The following SLC9A9 variants were observed in gnomAD, a reference collection of about 807,000 sequenced individuals.
SLC9A9 encodes the protein sodium/hydrogen exchanger 9.
A neutral mutation model predicts 77.8 loss-of-function variants in SLC9A9; 62 were observed. The ratio of observed to expected loss-of-function variants is 0.80; its 90% CI spans 0.65 to 0.98. The LOEUF is 0.98. Among genes scored for constraint, SLC9A9 ranks in the 50% least tolerant of loss-of-function variants. The pLI, the probability that SLC9A9 is intolerant of heterozygous loss-of-function variation, is 0.00. For missense variants in SLC9A9, 775 were observed against 774.9 expected (o/e 1.00, Z 0.00); for synonymous variants, 320 against 283.5 (o/e 1.13, Z -1.29).
intron 6 of SLC9A9, among the ~76,000 whole-genome samples, chr3:143,613,740 C>T (rs747311475): frequency 3.3e-5 from 5 of 150,922 alleles, no homozygotes; most frequent in South Asian, 2.1e-4. Context: ...TCTGAATGTC[C>T]TATTCTATTC....
chr3:143,808,277 T>C (rs950059522), intron 2 of SLC9A9, among the ~76,000 whole-genome samples: 1 of 152,232 alleles, frequency 6.6e-6, no homozygotes, highest in Admixed American at 6.5e-5. Context: ...AGCCATTTCT[T>C]TTGTTATACT....
chr3:143,338,032 C>A (rs574495138), intron 14 of SLC9A9, among the ~76,000 whole-genome samples: 64 of 152,294 alleles, frequency 4.2e-4, no homozygotes, highest in African/African-American at 1.5e-3. Context: ...GATGAACATG[C>A]ATGTCTCTTT....
At chr3:143,377,021 G>A (rs2033194293) in intron 13 of SLC9A9, among the ~76,000 whole-genome samples, 1 of 152,164 alleles carries the variant, frequency 6.6e-6, no homozygotes, top group African/African-American at 2.4e-5. Flanking sequence ...TAACTGTTAA[G>A]TTTGGGGGAT....
intron 14 of SLC9A9, among the ~76,000 whole-genome samples, chr3:143,284,461 A>AATTG (rs1415810149): frequency 2.0e-5 from 3 of 150,756 alleles, no homozygotes; most frequent in South Asian, 2.1e-4. Flanking sequence ...GGGAAGGCTG[A>AATTG]ATTGATTGTG....
At chr3:143,352,716 G>A (rs895988235) in intron 14 of SLC9A9, among the ~76,000 whole-genome samples, 8 of 152,120 alleles carry the variant, frequency 5.3e-5, no homozygotes, top group Non-Finnish European at 7.4e-5. Context: ...CATTTATATT[G>A]GGAACACACA....
In SLC9A9 at chr3:143,266,520, A is replaced by G; in HGVS notation, c.*182T>C. ...AACTAAATTCATTTGCATAATAGAG[A>G]GGGATAATAAAATCTCATTTCTTCA... On this transcript the variant is annotated 3_prime_UTR_variant, in exon 16 of 16. Transcript: ENST00000316549. 3.0e-6 allele frequency: 2 copies of G among 664,720 alleles called. No homozygotes were observed. The highest frequency in any genetic ancestry group is 5.2e-6 in the Non-Finnish European group (2 of 380,976). The allele number at this position is 664,720 out of a possible 1,614,324, so 41.2% of individuals were successfully genotyped here. A position where few individuals can be genotyped will look rare whatever the true frequency, so the allele number is the denominator to read the frequency against.
chr3:143,693,218 C>A lies in SLC9A9; in HGVS notation c.623G>T (p.Gly208Val). ...TGGATCTGTAGCAGACATCAGTGAA[C>A]CAAAAAATAAACAGTCAGTGAAATG... ...DFHFTDCLFF[G>V]SLMSATDPVT... Residue 208 changes from glycine (G) to valine (V), a missense_variant, in exon 5 of 16, where the codon GGT becomes GTT. Transcript: ENST00000316549. 6.2e-7 allele frequency: 1 copy of A among 1,613,080 alleles called. No homozygotes were observed. Among genetic ancestry groups the A allele is most frequent in the Non-Finnish European group, 8.5e-7 (1 of 1,179,422 alleles).
rs1303715905 is a variant in SLC9A9 at position 143,399,134 on chromosome 3, A to ATT, written c.1470-17021_1470-17020insAA. Among the ~76,000 whole-genome samples the ATT allele has an allele frequency of 3.9e-5, 6 of 152,264 alleles. No homozygotes were observed. In the East Asian group the frequency reaches 1.2e-3, roughly 29 times the overall value. On this transcript the variant is annotated intron_variant, in intron 12 of 15. Coordinates refer to ENST00000316549, the MANE Select transcript of SLC9A9 (RefSeq NM_173653.4). ...AATCAAGTCAAAAATACGTCTTAAT[A>ATT]ATGCATTATCTTGTTTTTTGCTAAA... is the stretch of plus-strand genomic sequence containing the variant.
chr3:143,748,796 T>C (rs956307244), intron 4 of SLC9A9, among the ~76,000 whole-genome samples: 16 of 148,996 alleles, frequency 1.1e-4, no homozygotes, highest in Admixed American at 4.7e-4. Context: ...CTCCGCTTCC[T>C]GGGTTCACGC....
chr3:143,517,966 C>CT, intron 9 of SLC9A9: 1 of 1,459,086 alleles, frequency 6.9e-7, no homozygotes, highest in African/African-American at 1.4e-5. Flanking sequence ...CTGGTTCAAT[C>CT]ACACCTTCTT....
In SLC9A9 at chr3:143,267,052, G is replaced by A. The variant is rs948324120; in HGVS notation, c.1711-123C>T. 5.8e-6 allele frequency: 5 copies of A among 869,110 alleles called. No individual in the cohort carries two copies. In the Admixed American group the frequency reaches 6.2e-5, roughly 11 times the overall value. The allele number at this position is 869,110 out of a possible 1,614,324, so 53.8% of individuals were successfully genotyped here. On this transcript the variant is annotated intron_variant, in intron 15 of 15. Transcript: ENST00000316549. ...TTCCTTTCTGTAACTGCCCTGTCTG[G>A]CCTTGGCTGATGTTTCTGCTGCAGG...
intron 12 of SLC9A9, among the ~76,000 whole-genome samples, chr3:143,441,429 T>C (rs1445544738): frequency 1.1e-4 from 17 of 152,184 alleles, no homozygotes; most frequent in Non-Finnish European, 2.5e-4. Context: ...CTAATATTCC[T>C]ACTGCATCAG....
chr3:143,652,417 T>A, intron 5 of SLC9A9, 57 bp from the exon 6 acceptor site: 1 of 1,317,970 alleles, frequency 7.6e-7, no homozygotes, highest in Non-Finnish European at 1.1e-6. Flanking sequence ...GGAGTTTTCC[T>A]TGGCTATGGT....
At chr3:143,761,969 A>C (rs1034653460) in intron 4 of SLC9A9, among the ~76,000 whole-genome samples, 1 of 152,244 alleles carries the variant, frequency 6.6e-6, no homozygotes, top group African/African-American at 2.4e-5. Context: ...AGACTGGATT[A>C]AGAAAATGTG....
intron 6 of SLC9A9, among the ~76,000 whole-genome samples, chr3:143,612,511 G>A (rs974499662): frequency 3.3e-5 from 5 of 152,138 alleles, no homozygotes; most frequent in African/African-American, 4.8e-5. Context: ...CTGGGTATTC[G>A]GATGCCAGAC....
chr3:143,674,041 A>G (rs1387837932), intron 5 of SLC9A9, among the ~76,000 whole-genome samples: 1 of 152,218 alleles, frequency 6.6e-6, no homozygotes, highest in African/African-American at 2.4e-5. Context: ...AATCCAATAA[A>G]GTGCCTGAGA....
At chr3:143,553,308 A>T (rs186547458) in intron 8 of SLC9A9, among the ~76,000 whole-genome samples, 32 of 152,116 alleles carry the variant, frequency 2.1e-4, no homozygotes, top group African/African-American at 7.5e-4. Context: ...CCTGGGCTGG[A>T]GTGGGGAAGC....
chr3:143,590,070 T>C (rs1450850516), intron 6 of SLC9A9, among the ~76,000 whole-genome samples: 1 of 152,252 alleles, frequency 6.6e-6, no homozygotes, highest in Non-Finnish European at 1.5e-5. Flanking sequence ...CTATATTGAA[T>C]GGGTTTTAAT....
Position 143,317,842 on chromosome 3 carries a change from T to C in SLC9A9, c.1604+45642A>G, listed in dbSNP as rs984341306. On this transcript the variant is annotated intron_variant, in intron 14 of 15. Transcript: ENST00000316549. ...TCCCAGGTTCATGCGATTCTCCTGC[T>C]TCAGCCTCCCGAGTAGCTGAGACTA... Among the ~76,000 whole-genome samples, 23 of 152,116 alleles carry C rather than the reference T, an allele frequency of 1.5e-4. 1 individual carries two copies. The highest frequency in any genetic ancestry group is 6.2e-4 in the South Asian group (3 of 4,828).
Sources: gnomAD v4.1 joint callset for allele counts (sites outside exome capture counted in the v4.1 genomes callset) on GRCh38, gnomAD v4.1.1 for gene constraint, MANE v1.5 for transcripts, NCBI Gene and HGNC (gene_info 2026-07-23, HGNC 2026-07-21) for gene names.